Variants in PCDH9 observed in about 807,000 individuals in gnomAD.
PCDH9 encodes the protein protocadherin-9.
A neutral mutation model predicts 70.6 loss-of-function variants in PCDH9; 24 were observed. That is an observed-to-expected ratio of 0.34 (90% CI 0.25 to 0.48). The LOEUF (loss-of-function observed/expected upper bound fraction) is 0.48. Among genes scored for constraint, PCDH9 ranks in the 20% least tolerant of loss-of-function variants. The pLI is 0.99. For missense variants in PCDH9, 1,281 were observed against 1,503.6 expected, an observed-to-expected ratio of 0.85 and a Z score of 2.45; for synonymous variants, 562 against 558.5, an observed-to-expected ratio of 1.01 and a Z score of -0.09.
chr13:66,550,924 T>A (rs201465286), intron 4 of PCDH9, among the ~76,000 whole-genome samples: 2 of 152,194 alleles, frequency 1.3e-5, no homozygotes, highest in East Asian at 3.8e-4. Flanking sequence ...ATATCCCTGA[T>A]TTCTCTGCTA....
chr13:67,128,020 A>C (rs2087021561), intron 2 of PCDH9, among the ~76,000 whole-genome samples: 1 of 152,142 alleles, frequency 6.6e-6, no homozygotes, highest in Non-Finnish European at 1.5e-5. Flanking sequence ...CAAAGTAATT[A>C]GCTTGTTAGA....
chr13:66,568,994 CTTTTTTTTTTTTTT>C (rs61067249), intron 4 of PCDH9, among the ~76,000 whole-genome samples: 1 of 58,314 alleles, frequency 1.7e-5, no homozygotes, highest in African/African-American at 7.5e-5. Flanking sequence ...GGAAACATGT[CTTTTTTTTTTTTTT>C]TTTTTTTTTT....
Position 66,868,063 on chromosome 13 carries a change from C to T in PCDH9, c.3138+35441G>A, listed in dbSNP as rs113101807. ...AATTAAAATCTCTTTAAATAGGTTTCCTAGACTGATTTACTGTCATAATAT... is the reference window on the plus strand; with the variant it reads ...AATTAAAATCTCTTTAAATAGGTTTTCTAGACTGATTTACTGTCATAATAT... On this transcript the variant is annotated intron_variant, in intron 3 of 4. Coordinates refer to ENST00000377865, the MANE Select transcript of PCDH9 (RefSeq NM_203487.3). Among the ~76,000 whole-genome samples, 1,308 of 151,896 alleles carry T rather than the reference C, an allele frequency of 8.6e-3. 15 individuals are homozygous for T. The highest frequency in any genetic ancestry group is 0.03 in the African/African-American group (1,250 of 41,488).
At chr13:66,485,743 A>T (rs1370245568) in intron 4 of PCDH9, among the ~76,000 whole-genome samples, 3 of 151,388 alleles carry the variant, frequency 2.0e-5, no homozygotes, top group Admixed American at 6.6e-5. Flanking sequence ...TTTATTTTTT[A>T]TTTTTTATTT....
rs145031343 is a variant in PCDH9 at position 66,679,004 on chromosome 13, C to T, written c.3139-47593G>A. Reference sequence around the variant, plus strand: ...AAATAAAAATTCGAAAGAACATATGCATTATATTTAACCTACCCACCATTA... The same window carrying T: ...AAATAAAAATTCGAAAGAACATATGTATTATATTTAACCTACCCACCATTA... On this transcript the variant is annotated intron_variant, in intron 3 of 4. Transcript: ENST00000377865. Among the ~76,000 whole-genome samples, 347 of 151,384 alleles carry T rather than the reference C, an allele frequency of 2.3e-3. 1 individual carries two copies. The highest frequency in any genetic ancestry group is 8.2e-3 in the African/African-American group (341 of 41,372).
chr13:66,526,010 T>C (rs1566391976), intron 4 of PCDH9, among the ~76,000 whole-genome samples: 1 of 152,122 alleles, frequency 6.6e-6, no homozygotes, highest in South Asian at 2.1e-4. Flanking sequence ...CAGTGGACAT[T>C]GATCTGATTC....
intron 4 of PCDH9, among the ~76,000 whole-genome samples, chr13:66,522,477 A>C (rs561729842): frequency 6.6e-6 from 1 of 152,264 alleles, no homozygotes; most frequent in African/African-American, 2.4e-5. Flanking sequence ...ACTGTCACAT[A>C]GCTTATGCGT....
At position 66,998,270 on chromosome 13, in the gene PCDH9, G is replaced by T. The variant is rs533666198; in HGVS notation, c.3037-94665C>A. Among the ~76,000 whole-genome samples the T allele has an allele frequency of 2.0e-5, 3 of 152,324 alleles. No individual in the cohort carries two copies. In the South Asian group the frequency reaches 6.2e-4, roughly 32 times the overall value. Reference sequence around the variant, plus strand: ...GGAGATGATAATCTGGAGATTGTTGGTTTAAGGAGTTCTTGGAATTGAAGA... The same window carrying T: ...GGAGATGATAATCTGGAGATTGTTGTTTTAAGGAGTTCTTGGAATTGAAGA... On this transcript the variant is annotated intron_variant, in intron 2 of 4. Coordinates refer to ENST00000377865, the MANE Select transcript of PCDH9 (RefSeq NM_203487.3).
chr13:66,515,491 T>C (rs1959688053), intron 4 of PCDH9, among the ~76,000 whole-genome samples: 1 of 151,880 alleles, frequency 6.6e-6, no homozygotes, highest in Admixed American at 6.6e-5. Context: ...ATAAAACAAT[T>C]ATCATATACG....
chr13:67,141,415 TTCTCTCTC>T lies in PCDH9; in HGVS notation c.3036+83982_3036+83989del, dbSNP rs540110973. On this transcript the variant is annotated intron_variant, in intron 2 of 4. Transcript: ENST00000377865. ...CCAGCCTGGGCAATATAGTAAGATC[TTCTCTCTC>T]TCTCTCTCTCTTTATTTTATTATTA... is the stretch of plus-strand genomic sequence containing the variant. Among the ~76,000 whole-genome samples the T allele has an allele frequency of 3.8e-3, 567 of 150,714 alleles. 4 individuals are homozygous for T. Among genetic ancestry groups the T allele is most frequent in the African/African-American group, 0.013 (540 of 41,128 alleles).
At chr13:66,523,812 G>T (rs764822431) in intron 4 of PCDH9, among the ~76,000 whole-genome samples, 4 of 151,978 alleles carry the variant, frequency 2.6e-5, no homozygotes, top group African/African-American at 7.2e-5. Context: ...GAAAAAACTT[G>T]CATTATTGAA....
At chr13:66,670,904 T>C (rs556079760) in intron 3 of PCDH9, among the ~76,000 whole-genome samples, 182 of 136,352 alleles carry the variant, frequency 1.3e-3, no homozygotes, top group African/African-American at 4.5e-3. Context: ...CATGACTGTG[T>C]TCTTATTTAA....
chr13:66,355,511 C>T (rs1247248123), intron 4 of PCDH9, among the ~76,000 whole-genome samples: 1 of 152,028 alleles, frequency 6.6e-6, no homozygotes, highest in Non-Finnish European at 1.5e-5. Context: ...AAAATGGCCT[C>T]AAGCATAGGG....
intron 4 of PCDH9, among the ~76,000 whole-genome samples, chr13:66,493,415 C>T (rs1452583513): frequency 1.3e-5 from 2 of 152,088 alleles, no homozygotes; most frequent in Non-Finnish European, 2.9e-5. Flanking sequence ...GTAAACTTAG[C>T]ACATATCTAT....
At chr13:66,702,968 A>T (rs1264362986) in intron 3 of PCDH9, among the ~76,000 whole-genome samples, 1 of 152,198 alleles carries the variant, frequency 6.6e-6, no homozygotes, top group East Asian at 1.9e-4. Flanking sequence ...CCAAAAATAT[A>T]TATTGATCTG....
chr13:66,851,144 ACT>A (rs1225373949), intron 3 of PCDH9, among the ~76,000 whole-genome samples: 1 of 152,166 alleles, frequency 6.6e-6, no homozygotes, highest in African/African-American at 2.4e-5. Flanking sequence ...CATGTGAGAA[ACT>A]CTTCTAAAAT....
At chr13:66,827,114 G>A (rs1448752468) in intron 3 of PCDH9, among the ~76,000 whole-genome samples, 1 of 152,098 alleles carries the variant, frequency 6.6e-6, no homozygotes, top group African/African-American at 2.4e-5. Context: ...CATGAAGCAA[G>A]AGGTTGGAGT....
At chr13:66,526,617 A>G (rs562429751) in intron 4 of PCDH9, among the ~76,000 whole-genome samples, 4 of 151,760 alleles carry the variant, frequency 2.6e-5, no homozygotes, top group Non-Finnish European at 4.4e-5. Context: ...TTGTCTTTTT[A>G]TGAGTACTTA....
chr13:67,068,879 T>C (rs2085703568), intron 2 of PCDH9, among the ~76,000 whole-genome samples: 1 of 152,194 alleles, frequency 6.6e-6, no homozygotes, highest in Admixed American at 6.6e-5. Context: ...CCTAACAGAA[T>C]GTGCTCACAT....
Sources: gnomAD v4.1 joint callset for allele counts (sites outside exome capture counted in the v4.1 genomes callset) on GRCh38, gnomAD v4.1.1 for gene constraint, MANE v1.5 for transcripts, NCBI Gene and HGNC (gene_info 2026-07-23, HGNC 2026-07-21) for gene names.